Variants in NCKAP1 observed in about 807,000 individuals in gnomAD.
NCKAP1 encodes the protein nck-associated protein 1.
A neutral mutation model predicts 151.2 loss-of-function variants in NCKAP1; 21 were observed. The observed-to-expected ratio is 0.14, with a 90% confidence interval of 0.10 to 0.20. The LOEUF (loss-of-function observed/expected upper bound fraction) is 0.20, where lower values mean the gene tolerates loss of function less well. Among genes scored for constraint, NCKAP1 ranks in the 10% least tolerant of loss-of-function variants. The pLI, the probability that NCKAP1 is intolerant of heterozygous loss-of-function variation, is 1.00. For missense variants in NCKAP1, 933 were observed against 1,352.1 expected (o/e 0.69, Z 4.86); for synonymous variants, 484 against 451.8 (o/e 1.07, Z -0.90).
At chr2:183,024,043 G>A (rs1698843432) in intron 1 of NCKAP1, 127 bp from the exon 2 acceptor site, 1 of 682,886 alleles carries the variant, frequency 1.5e-6, no homozygotes, top group African/African-American at 1.8e-5. Context: ...AAATGAATAG[G>A]CAAAGTGCAG....
At chr2:182,990,757 C>A (rs138042981) in intron 8 of NCKAP1, among the ~76,000 whole-genome samples, 23 of 152,298 alleles carry the variant, frequency 1.5e-4, no homozygotes, top group Non-Finnish European at 2.6e-4. Flanking sequence ...ACTATCTTGA[C>A]ACTTTAACAT....
At chr2:182,983,414 G>C in intron 10 of NCKAP1, 32 bp from the exon 11 acceptor site, 2 of 1,439,162 alleles carry the variant, frequency 1.4e-6, no homozygotes, top group Non-Finnish European at 1.9e-6. Context: ...TAGTTTATCT[G>C]CTTCTACTAA....
chr2:182,993,404 C>A (rs1471777435), intron 8 of NCKAP1, among the ~76,000 whole-genome samples: 1 of 152,118 alleles, frequency 6.6e-6, no homozygotes, highest in Non-Finnish European at 1.5e-5. Flanking sequence ...AGAACAAAAC[C>A]TGTAAGAATG....
At chr2:183,006,489 T>G (rs1277029616) in intron 2 of NCKAP1, among the ~76,000 whole-genome samples, 1 of 152,220 alleles carries the variant, frequency 6.6e-6, no homozygotes, top group Non-Finnish European at 1.5e-5. Context: ...AGGCATCGAT[T>G]GTTCCAAACA....
intron 2 of NCKAP1, among the ~76,000 whole-genome samples, chr2:183,018,750 A>T (rs1050272048): frequency 3.9e-5 from 6 of 152,216 alleles, no homozygotes; most frequent in African/African-American, 1.2e-4. Flanking sequence ...TTTGAATACA[A>T]GTGAAAGCTG....
intron 8 of NCKAP1, 23 bp downstream of exon 8, chr2:182,994,816 T>G: frequency 1.3e-6 from 2 of 1,579,938 alleles, no homozygotes; most frequent in Non-Finnish European, 1.7e-6. Context: ...GGAGTAATCA[T>G]AACACTAACC....
Position 182,910,742 on chromosome 2 carries a change from A to G in NCKAP1, c.*14960T>C, listed in dbSNP as rs1217625994. The G allele has an allele frequency of 1.3e-5, 2 of 152,168 alleles. No homozygotes were observed. Among genetic ancestry groups the G allele is most frequent in the African/African-American group, 4.8e-5 (2 of 41,444 alleles). The allele number at this position is 152,168 out of a possible 1,614,324, so 9.4% of individuals were successfully genotyped here. On this transcript the variant is annotated 3_prime_UTR_variant, in exon 31 of 31. Coordinates refer to ENST00000361354, the MANE Select transcript of NCKAP1 (RefSeq NM_013436.5). Reference sequence around the variant, plus strand: ...CATCCTCAAAACCTTTTCTTCTAGGAAATTCCTGGCAATGCAATCTAATTT... The same window carrying G: ...CATCCTCAAAACCTTTTCTTCTAGGGAATTCCTGGCAATGCAATCTAATTT...
intron 10 of NCKAP1, among the ~76,000 whole-genome samples, chr2:182,985,728 G>A (rs1168802385): frequency 4.0e-5 from 6 of 151,454 alleles, no homozygotes; most frequent in African/African-American, 1.2e-4. Context: ...GCTTGAACCC[G>A]GGAGGTGGAG....
At chr2:183,022,363 A>G (rs1025261155) in intron 2 of NCKAP1, among the ~76,000 whole-genome samples, 1 of 152,230 alleles carries the variant, frequency 6.6e-6, no homozygotes, top group African/African-American at 2.4e-5. Context: ...CAGATGAGGT[A>G]GCCAATTAAT....
chr2:182,949,685 T>G (rs527594937), intron 23 of NCKAP1, among the ~76,000 whole-genome samples: 31 of 152,270 alleles, frequency 2.0e-4, no homozygotes, highest in African/African-American at 7.2e-4. Flanking sequence ...TCCCAGCTAC[T>G]CAGGAGGCTG....
rs1163067812 is a variant in NCKAP1, at chr2:182,911,962, T to C, written c.*13740A>G. The C allele has an allele frequency of 6.6e-6, 1 of 152,232 alleles. No individual in the cohort carries two copies. The highest frequency in any genetic ancestry group is 1.5e-5 in the Non-Finnish European group (1 of 68,040). 9.4% of individuals were successfully genotyped at this position (152,232 alleles called of 1,614,324 possible). On this transcript the variant is annotated 3_prime_UTR_variant, in exon 31 of 31. Transcript: ENST00000361354. The stretch of plus-strand genomic sequence containing the variant: ...TTTTCCACAATAGACACTTCATGTC[T>C]TTGAATTATTTTAGTTGGAGTAGGA...
intron 15 of NCKAP1, among the ~76,000 whole-genome samples, chr2:182,970,892 A>C (rs908657524): frequency 1.3e-5 from 2 of 152,150 alleles, no homozygotes; most frequent in Non-Finnish European, 2.9e-5. Context: ...CTGATCAACC[A>C]ATTCAGTTTC....
chr2:183,026,442 C>CAG (rs1698898818), intron 1 of NCKAP1, among the ~76,000 whole-genome samples: 2 of 150,440 alleles, frequency 1.3e-5, no homozygotes, highest in African/African-American at 4.9e-5. Context: ...CACTGTACCG[C>CAG]AGCCTGAGCC....
At chr2:182,964,161 T>C (rs1334786736) in intron 17 of NCKAP1, among the ~76,000 whole-genome samples, 1 of 152,160 alleles carries the variant, frequency 6.6e-6, no homozygotes, top group Non-Finnish European at 1.5e-5. Flanking sequence ...TCAACAAAAC[T>C]ACCAAGCAGT....
intron 18 of NCKAP1, among the ~76,000 whole-genome samples, chr2:182,960,230 A>G (rs1323491642): frequency 1.3e-5 from 2 of 152,202 alleles, no homozygotes; most frequent in Non-Finnish European, 2.9e-5. Flanking sequence ...GGAAAAAACT[A>G]CTTTAAAGTT....
chr2:182,985,277 T>C (rs17265880), intron 10 of NCKAP1, among the ~76,000 whole-genome samples: 13,507 of 152,250 alleles, frequency 0.089, 732 homozygotes, highest in Non-Finnish European at 0.12. Context: ...TATATAGAAA[T>C]ACTGATAGAT....
chr2:182,956,851 T>C lies in NCKAP1; in HGVS notation c.2022-258A>G, dbSNP rs960286664. On this transcript the variant is annotated intron_variant, in intron 19 of 30. Coordinates refer to ENST00000361354, the MANE Select transcript of NCKAP1 (RefSeq NM_013436.5). ...TAATATACAAAGGTAGAGCTTATTC[T>C]GCACTCATAAAGATAATCACGCCCA... 23 of 301,620 alleles carry C rather than the reference T, an allele frequency of 7.6e-5. 3 individuals are homozygous for C. In the South Asian group the frequency reaches 1.3e-3, roughly 17 times the overall value. 18.7% of individuals were successfully genotyped at this position (301,620 alleles called of 1,614,324 possible).
At chr2:182,999,122 T>C (rs916779161) in intron 6 of NCKAP1, among the ~76,000 whole-genome samples, 1 of 152,114 alleles carries the variant, frequency 6.6e-6, no homozygotes, top group Non-Finnish European at 1.5e-5. Flanking sequence ...CAAATTACTG[T>C]CATTTTTCAT....
chr2:182,956,765 G>T, intron 19 of NCKAP1, 172 bp from the exon 20 acceptor site: 1 of 583,108 alleles, frequency 1.7e-6, no homozygotes, highest in Non-Finnish European at 2.8e-6. Context: ...ACACATAAGA[G>T]CAATATTCTA....
Sources: gnomAD v4.1 joint callset for allele counts (sites outside exome capture counted in the v4.1 genomes callset) on GRCh38, gnomAD v4.1.1 for gene constraint, MANE v1.5 for transcripts, NCBI Gene and HGNC (gene_info 2026-07-23, HGNC 2026-07-21) for gene names.